The following IL13RA2 variants were observed in gnomAD, a reference collection of about 807,000 sequenced individuals.
The protein encoded by IL13RA2 is interleukin 13 receptor subunit alpha 2.
Under a neutral mutation model 34.1 loss-of-function variants are expected in IL13RA2, and 25 were observed. The observed-to-expected ratio is 0.73, with a 90% CI of 0.53 to 1.03. IL13RA2 has a LOEUF of 1.03. Ranked by LOEUF, IL13RA2 falls within the 50% of genes least tolerant of loss-of-function variation. The probability of loss-of-function intolerance (pLI) is 0.00; values close to 1 mark genes in which losing one functional copy is unlikely to be tolerated. For missense variants in IL13RA2, 297 were observed against 280.9 expected, an observed-to-expected ratio of 1.06 and a Z score of -0.41; for synonymous variants, 106 against 100.4, an observed-to-expected ratio of 1.06 and a Z score of -0.33.
intron 9 of IL13RA2, 48 bp downstream of exon 9, chrX:115,005,149 A>T (rs781916690): frequency 3.2e-6 from 2 of 628,142 alleles, no homozygotes; most frequent in South Asian, 2.3e-5. Context: ...AGAACATTTT[A>T]AAAATCTCCT....
intron 6 of IL13RA2, among the ~76,000 whole-genome samples, chrX:115,010,127 A>C: frequency 9.0e-6 from 1 of 111,565 alleles, no homozygotes; most frequent in Non-Finnish European, 1.9e-5. Flanking sequence ...TCCTCATGTT[A>C]CTACTAAGGA....
At chrX:115,015,895 C>A (rs1159440266) in intron 2 of IL13RA2, 74 bp from the exon 3 acceptor site, 1 of 648,589 alleles carries the variant, frequency 1.5e-6, no homozygotes, top group Non-Finnish European at 2.4e-6. Context: ...AGATGGCTTC[C>A]AAATGTGCAC....
At chrX:115,009,871 AT>A (rs2071699407) in intron 6 of IL13RA2, among the ~76,000 whole-genome samples, 1 of 112,062 alleles carries the variant, frequency 8.9e-6, no homozygotes, top group Non-Finnish European at 1.9e-5. Flanking sequence ...TTGGAAACTC[AT>A]TTTTGACAAG....
chrX:115,017,351 C>G (rs2071732535), intron 1 of IL13RA2, 49 bp from the exon 2 acceptor site: 1 of 560,539 alleles, frequency 1.8e-6, no homozygotes, highest in Non-Finnish European at 3.1e-6. Flanking sequence ...ATCAAATAAT[C>G]AAACTAAACG....
Position 115,017,218 on chromosome X carries a change from T to C in IL13RA2, c.52A>G (p.Thr18Ala), listed in dbSNP as rs782787500. 30 of 1,024,289 alleles carry C rather than the reference T, an allele frequency of 2.9e-5. No individual in the cohort carries two copies. The highest frequency in any genetic ancestry group is 4.1e-5 in the Non-Finnish European group (30 of 728,088). 84.4% of individuals were successfully genotyped at this position (1,024,289 alleles called of 1,213,427 possible). ...IGCLYTFLIS[T>A]TFGCTSSSDT... ...GAAGATGAAGTACAGCCAAATGTTG[T>C]GCTTATCAGAAAGGTATATAAGCAT... Residue 18 changes from threonine to alanine, a missense_variant, in exon 2 of 10, where the codon ACA becomes GCA. By Grantham distance (58) the Thr-to-Ala change is moderately conservative. Transcript: ENST00000243213.
At chrX:115,006,521 A>C (rs1299669381) in intron 8 of IL13RA2, among the ~76,000 whole-genome samples, 1 of 110,795 alleles carries the variant, frequency 9.0e-6, no homozygotes, top group African/African-American at 3.3e-5. Flanking sequence ...TGTCTCTACT[A>C]AAAATACAGA....
chrX:115,007,954 CCACT>C lies in IL13RA2; in HGVS notation c.971_974del (p.Glu324GlyfsTer28). 8.9e-7 allele frequency: 1 copy of C among 1,125,465 alleles called. No homozygotes were observed. Among genetic ancestry groups the C allele is most frequent in the South Asian group, 1.8e-5 (1 of 54,365 alleles). The allele number at this position is 1,125,465 out of a possible 1,213,427, so 92.8% of individuals were successfully genotyped here. A position where few individuals can be genotyped will look rare whatever the true frequency, so the allele number is the denominator to read the frequency against. On this transcript the variant is annotated frameshift_variant, in exon 8 of 10. Coordinates refer to ENST00000243213, the MANE Select transcript of IL13RA2 (RefSeq NM_000640.3). LOFTEE classifies it high-confidence loss of function. Reference sequence around the variant, plus strand: ...TACCTTCCCAGCATTGTTTATCACTCCACTCACTCCAAATTCCGTCATCTGAGCA... The same window carrying C: ...TACCTTCCCAGCATTGTTTATCACTCCACTCCAAATTCCGTCATCTGAGCA...
intron 5 of IL13RA2, among the ~76,000 whole-genome samples, chrX:115,011,546 C>G (rs1556508776): frequency 8.9e-6 from 1 of 112,058 alleles, no homozygotes; most frequent in African/African-American, 3.2e-5. Flanking sequence ...CAATGCAAAC[C>G]ATGACATTAT....
chrX:115,012,464 A>G (rs1398341243), intron 5 of IL13RA2, among the ~76,000 whole-genome samples: 3 of 108,020 alleles, frequency 2.8e-5, no homozygotes, highest in Non-Finnish European at 5.6e-5. Flanking sequence ...ATTACAGGCT[A>G]TAAAAAAAAA....
At chrX:115,016,386 A>G (rs1602978129) in intron 2 of IL13RA2, among the ~76,000 whole-genome samples, 1 of 110,847 alleles carries the variant, frequency 9.0e-6, no homozygotes, top group East Asian at 2.8e-4. Context: ...TTACTGCTAT[A>G]TAGTTGTTCC....
At chrX:115,015,556 T>G in intron 3 of IL13RA2, 114 bp downstream of exon 3, 3 of 668,299 alleles carry the variant, frequency 4.5e-6, no homozygotes, top group Non-Finnish European at 7.2e-6. Context: ...TGGAAGCTTT[T>G]TATATCCTAA....
chrX:115,014,146 G>T (rs1365911663), intron 4 of IL13RA2, among the ~76,000 whole-genome samples: 2 of 111,865 alleles, frequency 1.8e-5, no homozygotes, highest in Admixed American at 9.5e-5. Context: ...ATTCTAGGAT[G>T]CTCTGAGCAG....
intron 7 of IL13RA2, 82 bp downstream of exon 7, chrX:115,009,439 C>G: frequency 1.3e-6 from 1 of 775,584 alleles, no homozygotes. Context: ...CACGTGGATG[C>G]AACTGATTTT....
intron 2 of IL13RA2, 76 bp downstream of exon 2, chrX:115,017,099 GA>G (rs2032419170): frequency 1.7e-6 from 1 of 576,141 alleles, no homozygotes; most frequent in African/African-American, 2.3e-5. Context: ...AGGTCAAAAA[GA>G]CAGTTAATTT....
chrX:115,010,109 C>T (rs1351933535), intron 6 of IL13RA2, among the ~76,000 whole-genome samples: 1 of 111,428 alleles, frequency 9.0e-6, no homozygotes, highest in African/African-American at 3.3e-5. Context: ...TCAGGTGGTC[C>T]TCTGTTATCC....
Position 115,004,086 on chromosome X carries a change from A to T in IL13RA2, c.1137T>A (p.Asp379Glu). 1 of 1,065,842 alleles carries T rather than the reference A, an allele frequency of 9.4e-7. No individual in the cohort carries two copies. The highest frequency in any genetic ancestry group is 1.3e-6 in the Non-Finnish European group (1 of 766,081). The allele number at this position is 1,065,842 out of a possible 1,213,427, so 87.8% of individuals were successfully genotyped here. Residue 379 changes from aspartate to glutamate, a missense_variant, in exon 10 of 10, where the codon GAT becomes GAA. Asp to Glu is a conservative substitution (Grantham distance 45). Transcript: ENST00000243213. ...YPKMIPEFFC[D>E]T ...CTCTTGATATGGAAAGTCTTCATGT[A>T]TCACAGAAAAATTCTGGAATCTAGA...
intron 1 of IL13RA2, 94 bp from the exon 2 acceptor site, chrX:115,017,396 T>C: frequency 2.1e-6 from 1 of 468,467 alleles, no homozygotes; most frequent in East Asian, 4.1e-5. Flanking sequence ...CTCTGTGTGC[T>C]TCTCTACCAA....
intron 8 of IL13RA2, among the ~76,000 whole-genome samples, chrX:115,007,176 C>T (rs191586203): frequency 2.7e-5 from 3 of 111,363 alleles, no homozygotes; most frequent in Non-Finnish European, 5.7e-5. Flanking sequence ...CCACTGTATT[C>T]GTAGGGAGAT....
intron 8 of IL13RA2, among the ~76,000 whole-genome samples, chrX:115,006,410 C>A (rs1432728510): frequency 8.9e-6 from 1 of 112,208 alleles, no homozygotes; most frequent in African/African-American, 3.2e-5. Context: ...GGGCTGGGCA[C>A]AGTGGCTCAT....
Sources: gnomAD v4.1 joint callset for allele counts (sites outside exome capture counted in the v4.1 genomes callset) on GRCh38, gnomAD v4.1.1 for gene constraint, MANE v1.5 for transcripts, NCBI Gene and HGNC (gene_info 2026-07-23, HGNC 2026-07-21) for gene names.